WDR7: variants seen among roughly 807,000 people sequenced by gnomAD.
WDR7 encodes the protein WD repeat-containing protein 7.
Under a neutral mutation model 169.4 loss-of-function variants are expected in WDR7, and 46 were observed. That is an observed-to-expected ratio of 0.27 (90% confidence interval 0.21 to 0.35). WDR7 has a LOEUF of 0.35. WDR7 is among the 10% of genes least tolerant of loss of function. The pLI, the probability that WDR7 is intolerant of heterozygous loss-of-function variation, is 1.00. For missense variants in WDR7, 1,534 were observed against 1,859.3 expected (o/e 0.83, Z 3.22); for synonymous variants, 612 against 666.8 (o/e 0.92, Z 1.27).
At chr18:56,696,159 C>A in intron 11 of WDR7, 83 bp from the exon 12 acceptor site, 1 of 1,138,054 alleles carries the variant, frequency 8.8e-7, no homozygotes, top group Non-Finnish European at 1.2e-6. Context: ...TGTAGCTATT[C>A]TAAACATTCA....
chr18:57,002,119 AAAT>A (rs1357153682), intron 26 of WDR7, among the ~76,000 whole-genome samples: 2 of 152,160 alleles, frequency 1.3e-5, no homozygotes, highest in Admixed American at 1.3e-4. Context: ...CTATATTTTT[AAAT>A]AAAAGGAAAA....
At chr18:56,868,294 G>C (rs1428026648) in intron 20 of WDR7, among the ~76,000 whole-genome samples, 1 of 152,114 alleles carries the variant, frequency 6.6e-6, no homozygotes, top group Non-Finnish European at 1.5e-5. Context: ...GAATACTACA[G>C]ATACTCCTTA....
intron 5 of WDR7, among the ~76,000 whole-genome samples, chr18:56,683,617 C>T (rs2025391655): frequency 6.6e-6 from 1 of 152,174 alleles, no homozygotes; most frequent in African/African-American, 2.4e-5. Context: ...TAAGCATTTA[C>T]ATATGATCAA....
At chr18:56,784,410 T>G (rs1430443077) in intron 19 of WDR7, among the ~76,000 whole-genome samples, 2 of 152,190 alleles carry the variant, frequency 1.3e-5, no homozygotes, top group Non-Finnish European at 2.9e-5. Flanking sequence ...TACGTAGCTT[T>G]TTTTATCCCT....
At chr18:56,707,992 G>A (rs945139042) in intron 12 of WDR7, among the ~76,000 whole-genome samples, 3 of 151,010 alleles carry the variant, frequency 2.0e-5, no homozygotes, top group African/African-American at 7.3e-5. Flanking sequence ...AAAGTTTTCT[G>A]TGGCTGTATC....
chr18:56,952,785 A>G (rs998882647), intron 25 of WDR7, among the ~76,000 whole-genome samples: 1 of 152,218 alleles, frequency 6.6e-6, no homozygotes, highest in African/African-American at 2.4e-5. Context: ...AAGCCATGAA[A>G]AGACATGGAG....
chr18:56,945,546 A>G (rs572224462), intron 25 of WDR7, among the ~76,000 whole-genome samples: 1 of 152,230 alleles, frequency 6.6e-6, no homozygotes. Flanking sequence ...TGAATATTAA[A>G]TAAGGTACAT....
At position 56,730,732 on chromosome 18, in the gene WDR7, C is replaced by A. The variant is rs150757927; in HGVS notation, c.1775-651C>A. 6.9e-4 allele frequency among the ~76,000 whole-genome samples: 105 copies of A among 152,116 alleles called. 1 individual carries two copies. The East Asian group carries it at 0.02, about 28-fold the overall frequency. ...AGTGAGCCAAGATCGCGCCATTGCACTCCAGCCTGGGCGACAGAGCGAGAT... is the reference window on the plus strand; with the variant it reads ...AGTGAGCCAAGATCGCGCCATTGCAATCCAGCCTGGGCGACAGAGCGAGAT... On this transcript the variant is annotated intron_variant, in intron 13 of 27. Transcript: ENST00000254442.
chr18:56,705,088 G>A (rs75232813), intron 12 of WDR7, among the ~76,000 whole-genome samples: 4,967 of 152,070 alleles, frequency 0.033, 268 homozygotes, highest in African/African-American at 0.11. Flanking sequence ...CTATCTTGGC[G>A]TCTTAAAGTG....
At chr18:56,919,077 C>A (rs1393428830) in intron 21 of WDR7, among the ~76,000 whole-genome samples, 1 of 152,176 alleles carries the variant, frequency 6.6e-6, no homozygotes, top group Non-Finnish European at 1.5e-5. Flanking sequence ...TTCATTCTAA[C>A]ATAAGCAGGG....
At chr18:56,925,764 T>A (rs1367425438) in intron 22 of WDR7, among the ~76,000 whole-genome samples, 1 of 152,132 alleles carries the variant, frequency 6.6e-6, no homozygotes, top group Non-Finnish European at 1.5e-5. Context: ...CCAAGAAGAT[T>A]GGTAGAGGAC....
intron 13 of WDR7, among the ~76,000 whole-genome samples, chr18:56,718,893 T>C (rs1598987289): frequency 6.6e-6 from 1 of 152,258 alleles, no homozygotes; most frequent in Non-Finnish European, 1.5e-5. Flanking sequence ...TTGTTTTAAA[T>C]AGCATTTTTT....
chr18:56,939,572 T>C (rs2047006696), intron 25 of WDR7, among the ~76,000 whole-genome samples, 179 bp downstream of exon 25: 1 of 152,156 alleles, frequency 6.6e-6, no homozygotes, highest in Non-Finnish European at 1.5e-5. Flanking sequence ...ATAGTAGAGT[T>C]AGCTATTTGA....
chr18:56,735,534 G>A (rs2144825418), intron 14 of WDR7, among the ~76,000 whole-genome samples: 1 of 152,234 alleles, frequency 6.6e-6, no homozygotes, highest in East Asian at 1.9e-4. Flanking sequence ...GACTTAGACT[G>A]CAGTTCACAT....
chr18:56,773,283 A>G (rs1234778749), intron 16 of WDR7, among the ~76,000 whole-genome samples: 4 of 152,116 alleles, frequency 2.6e-5, no homozygotes, highest in East Asian at 3.8e-4. Context: ...ACGGGGCTTC[A>G]AGACAGTCTT....
intron 14 of WDR7, among the ~76,000 whole-genome samples, chr18:56,737,429 G>T (rs1191903029): frequency 6.6e-6 from 1 of 152,156 alleles, no homozygotes; most frequent in Non-Finnish European, 1.5e-5. Context: ...TTTCTGTTCT[G>T]CAGCTTTACA....
chr18:56,819,731 A>G (rs2045053259), intron 20 of WDR7, among the ~76,000 whole-genome samples: 1 of 152,184 alleles, frequency 6.6e-6, no homozygotes, highest in African/African-American at 2.4e-5. Context: ...TTTAGGATTT[A>G]TAATACTCTG....
intron 26 of WDR7, among the ~76,000 whole-genome samples, chr18:56,996,464 C>T (rs990398536): frequency 6.6e-6 from 1 of 152,058 alleles, no homozygotes; most frequent in African/African-American, 2.4e-5. Flanking sequence ...AGTATTACGA[C>T]CAAATTTATC....
At chr18:56,882,915 A>T (rs868764508) in intron 21 of WDR7, among the ~76,000 whole-genome samples, 44 of 152,188 alleles carry the variant, frequency 2.9e-4, no homozygotes, top group African/African-American at 8.9e-4. Flanking sequence ...TGCTTAGTAC[A>T]AATATCTGTA....
Sources: gnomAD v4.1 joint callset for allele counts (sites outside exome capture counted in the v4.1 genomes callset) on GRCh38, gnomAD v4.1.1 for gene constraint, MANE v1.5 for transcripts, NCBI Gene and HGNC (gene_info 2026-07-23, HGNC 2026-07-21) for gene names.